The following DEPDC1B variants were observed in gnomAD, a reference collection of about 807,000 sequenced individuals.
The protein encoded by DEPDC1B is DEP domain-containing protein 1B.
In DEPDC1B, 51 loss-of-function variants were observed where a neutral mutation model predicts 66.5. The ratio of observed to expected loss-of-function variants is 0.77; its 90% confidence interval spans 0.61 to 0.97. DEPDC1B has a LOEUF of 0.97. Ranked by LOEUF, DEPDC1B falls within the 50% of genes least tolerant of loss-of-function variation. The probability of loss-of-function intolerance (pLI) is 0.00; values close to 1 mark genes in which losing one functional copy is unlikely to be tolerated. For missense variants in DEPDC1B, 552 were observed against 637.1 expected (o/e 0.87, Z 1.44); for synonymous variants, 226 against 223.6 (o/e 1.01, Z -0.10).
At chr5:60,688,932 T>C (rs1220694833) in intron 1 of DEPDC1B, 5 of 432,080 alleles carry the variant, frequency 1.2e-5, no homozygotes, top group African/African-American at 8.1e-5. Flanking sequence ...AACCTCGTTT[T>C]GTCAAATCAA....
intron 7 of DEPDC1B, among the ~76,000 whole-genome samples, chr5:60,628,016 T>G (rs956451336): frequency 2.0e-5 from 3 of 152,154 alleles, no homozygotes; most frequent in African/African-American, 7.2e-5. Context: ...AAAAAGAGCA[T>G]AAACAATCCA....
Position 60,683,301 on chromosome 5 carries a change from G to A in DEPDC1B, c.314+3661C>T, listed in dbSNP as rs1008627143. Among the ~76,000 whole-genome samples, 6 of 152,136 alleles carry A rather than the reference G, an allele frequency of 3.9e-5. No individual in the cohort carries two copies. The South Asian group carries it at 1.0e-3, about 26-fold the overall frequency. ...TAAAAAAATTAGCTGAGCATGTGGC[G>A]TGCGCTTGTAGTCCCTGCTATGCAG... is the stretch of plus-strand genomic sequence containing the variant. On this transcript the variant is annotated intron_variant, in intron 2 of 10. Coordinates refer to ENST00000265036, the MANE Select transcript of DEPDC1B (RefSeq NM_018369.3).
intron 10 of DEPDC1B, 101 bp downstream of exon 10, chr5:60,598,974 G>T (rs1382442360): frequency 3.9e-6 from 4 of 1,023,298 alleles, no homozygotes; most frequent in Admixed American, 6.2e-5. Flanking sequence ...AAACTGCTAT[G>T]GCTCAGAAGA....
intron 7 of DEPDC1B, among the ~76,000 whole-genome samples, chr5:60,636,914 A>T (rs1252356643): frequency 1.3e-5 from 2 of 152,172 alleles, no homozygotes; most frequent in African/African-American, 4.8e-5. Context: ...CTCCGATACT[A>T]ATTTAGAAGC....
In DEPDC1B at chr5:60,654,642, A is replaced by C. The variant is rs578138856; in HGVS notation, c.315-7109T>G. ...TTTCTTTCTCTTCTCTGCTTGCTCC[A>C]ACTAGGACTTCCAGTACTATGTTGA... On this transcript the variant is annotated intron_variant, in intron 2 of 10. Transcript: ENST00000265036. 8.1e-5 allele frequency among the ~76,000 whole-genome samples: 12 copies of C among 148,618 alleles called. 3 individuals are homozygous for C. Among genetic ancestry groups the C allele is most frequent in the African/African-American group, 3.0e-4 (12 of 39,346 alleles).
rs747755591 is a variant in DEPDC1B, at chr5:60,700,112, G to GCCGCAGCCGCGC, written c.-31_-20dup. On this transcript the variant is annotated 5_prime_UTR_variant, in exon 1 of 11. Coordinates refer to ENST00000265036, the MANE Select transcript of DEPDC1B (RefSeq NM_018369.3). ...GCTCCATGGCGCGTAGGCAGCAGCG[G>GCCGCAGCCGCGC]CCGCAGCCGCGCCAGCGCTGATCCC... is the stretch of plus-strand genomic sequence containing the variant. 1.0e-5 allele frequency: 16 copies of GCCGCAGCCGCGC among 1,543,244 alleles called. No individual in the cohort carries two copies. The highest frequency in any genetic ancestry group is 9.6e-6 in the Non-Finnish European group (11 of 1,146,858).
chr5:60,663,720 G>A (rs1456900130), intron 2 of DEPDC1B, among the ~76,000 whole-genome samples: 13 of 152,140 alleles, frequency 8.5e-5, no homozygotes, highest in Admixed American at 2.0e-4. Flanking sequence ...CTTGTCCTTC[G>A]GTATGTGGAT....
At chr5:60,605,316 T>G (rs1340829346) in intron 8 of DEPDC1B, among the ~76,000 whole-genome samples, 2 of 152,188 alleles carry the variant, frequency 1.3e-5, no homozygotes, top group African/African-American at 2.4e-5. Flanking sequence ...ATGATCTCAT[T>G]ACAAAAAAAT....
chr5:60,637,992 G>T (rs1360308499), intron 7 of DEPDC1B, among the ~76,000 whole-genome samples: 1 of 152,148 alleles, frequency 6.6e-6, no homozygotes, highest in African/African-American at 2.4e-5. Context: ...GGGAAAGATG[G>T]CTAAACCCAA....
At chr5:60,611,649 T>A (rs1386491083) in intron 7 of DEPDC1B, among the ~76,000 whole-genome samples, 1 of 152,208 alleles carries the variant, frequency 6.6e-6, no homozygotes, top group Non-Finnish European at 1.5e-5. Flanking sequence ...TTGAGTGGCC[T>A]AGATAGAAGA....
intron 7 of DEPDC1B, among the ~76,000 whole-genome samples, chr5:60,635,783 A>T (rs1026296607): frequency 2.2e-4 from 33 of 152,122 alleles, no homozygotes; most frequent in Non-Finnish European, 2.6e-4. Flanking sequence ...AATTTTTTTT[A>T]AAAAAACAGA....
rs1306416952 is a variant in DEPDC1B, at chr5:60,687,161, T to C, written c.115A>G (p.Ser39Gly). ...PLRKHRCRFKSYEHCFTAAEA... is the reference protein window; with the variant it reads ...PLRKHRCRFKGYEHCFTAAEA... ...GCCGCTGTGAAACAATGCTCATAGC[T>C]CTTGAAACGACAGCGATGTTTCCGT... Residue 39 changes from serine (S) to glycine (G), a missense_variant, in exon 2 of 11, where the codon AGC (serine) becomes GGC (glycine). Ser to Gly is a moderately conservative substitution (Grantham distance 56). Transcript: ENST00000265036. 6.2e-7 allele frequency: 1 copy of C among 1,614,032 alleles called. No homozygotes were observed.
Position 60,651,695 on chromosome 5 carries a change from T to C in DEPDC1B, c.315-4162A>G, listed in dbSNP as rs139181008. ...AAATGGATGCATGAAGGGCCTCAGA[T>C]GGACTTCTTAATAGAGGTTGAAAGA... is the stretch of plus-strand genomic sequence containing the variant. On this transcript the variant is annotated intron_variant, in intron 2 of 10. Transcript: ENST00000265036. Among the ~76,000 whole-genome samples, 6 of 152,254 alleles carry C rather than the reference T, an allele frequency of 3.9e-5. No individual in the cohort carries two copies. In the East Asian group the frequency reaches 9.6e-4, roughly 24 times the overall value.
chr5:60,647,662 A>G, intron 2 of DEPDC1B, 129 bp from the exon 3 acceptor site: 1 of 1,034,582 alleles, frequency 9.7e-7, no homozygotes, highest in South Asian at 2.0e-5. Flanking sequence ...CAATAATTAC[A>G]TAAATTTTAA....
At chr5:60,627,863 A>G (rs1198123025) in intron 7 of DEPDC1B, among the ~76,000 whole-genome samples, 1 of 152,192 alleles carries the variant, frequency 6.6e-6, no homozygotes, top group Non-Finnish European at 1.5e-5. Flanking sequence ...ATGTTTTTAT[A>G]TCTGTAAGTA....
intron 2 of DEPDC1B, among the ~76,000 whole-genome samples, chr5:60,666,191 G>A (rs1006328641): frequency 2.0e-5 from 3 of 152,194 alleles, no homozygotes; most frequent in Admixed American, 6.5e-5. Flanking sequence ...TGCCACTCCT[G>A]ATAGGGCTAG....
chr5:60,605,279 C>T (rs1752285830), intron 8 of DEPDC1B, among the ~76,000 whole-genome samples: 1 of 151,786 alleles, frequency 6.6e-6, no homozygotes, highest in South Asian at 2.1e-4. Flanking sequence ...TTGTATATTT[C>T]AAAATTGAGA....
chr5:60,693,145 C>T (rs1232344217), intron 1 of DEPDC1B, among the ~76,000 whole-genome samples: 5 of 152,224 alleles, frequency 3.3e-5, no homozygotes, highest in Admixed American at 1.3e-4. Context: ...TTTTTCTGTA[C>T]ATTATGCCTA....
chr5:60,601,585 T>TA (rs1161270900), intron 9 of DEPDC1B, among the ~76,000 whole-genome samples: 1 of 152,182 alleles, frequency 6.6e-6, no homozygotes, highest in Non-Finnish European at 1.5e-5. Context: ...AATCTACCTT[T>TA]AAAAATATTT....
Sources: allele counts gnomAD v4.1 joint callset (sites outside exome capture counted in the v4.1 genomes callset), GRCh38; gene constraint gnomAD v4.1.1; transcripts MANE v1.5; gene names NCBI Gene and HGNC (gene_info 2026-07-23, HGNC 2026-07-21).